IL2RG: variants seen among roughly 807,000 people sequenced by gnomAD.
IL2RG encodes the protein interleukin 2 receptor subunit gamma, also known as cytokine receptor common subunit gamma.
For synonymous variants in IL2RG, 111 were observed against 108.5 expected, an observed-to-expected ratio of 1.02 and a Z score of -0.15; for missense variants, 205 against 272.9, an observed-to-expected ratio of 0.75 and a Z score of 1.75.
chrX:71,110,043 G>T, intron 4 of IL2RG, 113 bp downstream of exon 4: 1 of 790,440 alleles, frequency 1.3e-6, no homozygotes, highest in Non-Finnish European at 1.9e-6. Context: ...GAGCAGAGAA[G>T]CTGGGAGGCA....
At position 71,110,921 on chromosome X, in the gene IL2RG, G is replaced by C; in HGVS notation, c.245C>G (p.Pro82Arg). 1 of 1,210,725 alleles carries C rather than the reference G, an allele frequency of 8.3e-7. No homozygotes were observed. The highest frequency in any genetic ancestry group is 1.1e-6 in the Non-Finnish European group (1 of 894,918). The stretch of plus-strand genomic sequence containing the variant: ...CCAATAATGCAGAGTGAGGTTGGTA[G>C]GCTGGGGCTCAGAGCTGCTGTTCCA... Reference protein sequence around the residue: ...CTWNSSSEPQPTNLTLHYWYK... With the variant: ...CTWNSSSEPQRTNLTLHYWYK... The change falls in exon 2 of 8, where the codon CCT (proline) becomes CGT (arginine). Residue 82 changes from proline (P) to arginine (R), a missense_variant. By Grantham distance (103) the Pro-to-Arg change is moderately radical (BLOSUM62 -2). Coordinates refer to ENST00000374202, the MANE Select transcript of IL2RG (RefSeq NM_000206.3).
chrX:71,110,207 G>C lies in IL2RG; in HGVS notation c.543C>G (p.His181Gln). The change falls in exon 4 of 8, where the codon CAC becomes CAG. Residue 181 changes from histidine (H) to glutamine (Q), a missense_variant. His to Gln is a conservative substitution (Grantham distance 24, BLOSUM62 0). Transcript: ENST00000374202. ...ELNWNNRFLNHCLEHLVQYRT... is the reference protein window; with the variant it reads ...ELNWNNRFLNQCLEHLVQYRT... ...GGTACTGCACCAAGTGCTCCAAACA[G>C]TGGTTCAAGAATCTGTTGTTCCAGT... 8.3e-7 allele frequency: 1 copy of C among 1,210,623 alleles called. No individual in the cohort carries two copies. Among genetic ancestry groups the C allele is most frequent in the Non-Finnish European group, 1.1e-6 (1 of 894,464 alleles).
In IL2RG at chrX:71,110,573, C is replaced by A; in HGVS notation, c.385G>T (p.Val129Phe). The change falls in exon 3 of 8, where the codon GTT becomes TTT. Residue 129 changes from valine (V) to phenylalanine (F), a missense_variant. Physicochemically the swap from Val to Phe is conservative, Grantham distance 50. Coordinates refer to ENST00000374202, the MANE Select transcript of IL2RG (RefSeq NM_000206.3). ...KKEIHLYQTFVVQLQDPREPR... is the reference protein window; with the variant it reads ...KKEIHLYQTFFVQLQDPREPR... Reference sequence around the variant, plus strand: ...TCCCGTGGGTCCTGGAGCTGAACAACAAATGTTTGGTAGAGGTGGATCTCC... The same window carrying A: ...TCCCGTGGGTCCTGGAGCTGAACAAAAAATGTTTGGTAGAGGTGGATCTCC... The A allele has an allele frequency of 8.3e-7, 1 of 1,211,305 alleles. No homozygotes were observed. Among genetic ancestry groups the A allele is most frequent in the Non-Finnish European group, 1.1e-6 (1 of 895,077 alleles).
rs752033043 is a variant in IL2RG at position 71,109,573 on chromosome X, T to G, written c.595-183A>C. On this transcript the variant is annotated intron_variant, in intron 4 of 7. Coordinates refer to ENST00000374202, the MANE Select transcript of IL2RG (RefSeq NM_000206.3). ...TCTAATGCCTCCCCTCTGGATCCCC[T>G]TAATGGCTTCCTTTTGTTTACTTGT... Among the ~76,000 whole-genome samples, 12 of 111,628 alleles carry G rather than the reference T, an allele frequency of 1.1e-4. No homozygotes were observed. In the South Asian group the frequency reaches 4.5e-3, roughly 42 times the overall value.
intron 4 of IL2RG, 71 bp downstream of exon 4, chrX:71,110,085 T>C: frequency 2.7e-6 from 3 of 1,117,375 alleles, no homozygotes; most frequent in Non-Finnish European, 3.7e-6. Context: ...GGTCCTTCTA[T>C]CTGTCTGGTT....
chrX:71,109,332 C>T lies in IL2RG; in HGVS notation c.653G>A (p.Arg218His), dbSNP rs763721645. Reference protein sequence around the residue: ...FSLPSVDGQKRYTFRVRSRFN... With the variant: ...FSLPSVDGQKHYTFRVRSRFN... Reference sequence around the variant, plus strand: ...GCGGCTCCGAACACGAAACGTGTAGCGTTTCTGCCCATCCACACTAGGCAA... The same window carrying T: ...GCGGCTCCGAACACGAAACGTGTAGTGTTTCTGCCCATCCACACTAGGCAA... Residue 218 changes from arginine to histidine, a missense_variant, in exon 5 of 8, where the codon CGC becomes CAC. By Grantham distance (29) the Arg-to-His change is conservative. Transcript: ENST00000374202. 1.3e-5 allele frequency: 16 copies of T among 1,208,505 alleles called. No homozygotes were observed. Among genetic ancestry groups the T allele is most frequent in the Admixed American group, 4.4e-5 (2 of 45,813 alleles).
At chrX:71,109,105 A>G in intron 5 of IL2RG, 123 bp downstream of exon 5, 2 of 675,954 alleles carry the variant, frequency 3.0e-6, no homozygotes, top group Non-Finnish European at 4.7e-6. Flanking sequence ...GGGGTTAGAC[A>G]GTGTGGAGAG....
At chrX:71,110,829 A>G in intron 2 of IL2RG, 68 bp downstream of exon 2, 1 of 1,154,630 alleles carries the variant, frequency 8.7e-7, no homozygotes, top group Non-Finnish European at 1.2e-6. Flanking sequence ...GAGACTTGCT[A>G]CCCTCTCTCT....
At chrX:71,111,204 C>G in intron 1 of IL2RG, 154 bp from the exon 2 acceptor site, 1 of 692,673 alleles carries the variant, frequency 1.4e-6, no homozygotes, top group Non-Finnish European at 2.2e-6. Flanking sequence ...CCAGCCTAGG[C>G]AACATAGTGA....
At chrX:71,109,514 A>G (rs2092258581) in intron 4 of IL2RG, 124 bp from the exon 5 acceptor site, 19 of 629,411 alleles carry the variant, frequency 3.0e-5, no homozygotes, top group African/African-American at 2.2e-5. Flanking sequence ...TCTCTTGACT[A>G]CTCAAGCCAC....
chrX:71,110,548 T>G lies in IL2RG; in HGVS notation c.410A>C (p.Glu137Ala). The G allele has an allele frequency of 8.3e-7, 1 of 1,211,791 alleles. No individual in the cohort carries two copies. Among genetic ancestry groups the G allele is most frequent in the South Asian group, 1.8e-5 (1 of 57,009 alleles). ...TFVVQLQDPR[E>A]PRRQATQMLK... ...CATCTGTGTGGCCTGTCTCCTGGGT[T>G]CCCGTGGGTCCTGGAGCTGAACAAC... The change falls in exon 3 of 8, where the codon GAA (glutamate) becomes GCA (alanine). Residue 137 changes from glutamate to alanine, a missense_variant. Glu to Ala is a moderately radical substitution (Grantham distance 107). Coordinates refer to ENST00000374202, the MANE Select transcript of IL2RG (RefSeq NM_000206.3).
chrX:71,110,546 G>A lies in IL2RG; in HGVS notation c.412C>T (p.Pro138Ser), dbSNP rs1266997803. The A allele has an allele frequency of 1.7e-6, 2 of 1,209,836 alleles. No individual in the cohort carries two copies. The highest frequency in any genetic ancestry group is 2.2e-6 in the Non-Finnish European group (2 of 895,013). Residue 138 changes from proline to serine, a missense_variant, in exon 3 of 8, where the codon CCC becomes TCC. Transcript: ENST00000374202. ...AGCATCTGTGTGGCCTGTCTCCTGG[G>A]TTCCCGTGGGTCCTGGAGCTGAACA... Reference protein sequence around the residue: ...FVVQLQDPREPRRQATQMLKL... With the variant: ...FVVQLQDPRESRRQATQMLKL...
intron 4 of IL2RG, among the ~76,000 whole-genome samples, chrX:71,109,942 AAAAG>A (rs1254130664): frequency 4.2e-4 from 43 of 102,892 alleles, no homozygotes; most frequent in Admixed American, 1.3e-3. Flanking sequence ...AAAAAAAAAA[AAAAG>A]AAAGAAAGAA....
chrX:71,110,440 C>T, intron 3 of IL2RG, 64 bp downstream of exon 3: 7 of 1,134,974 alleles, frequency 6.2e-6, no homozygotes, highest in Non-Finnish European at 8.5e-6. Context: ...TAAAAGAACA[C>T]TACTCTGTAG....
At position 71,108,491 on chromosome X, in the gene IL2RG, T is replaced by G. The variant is rs868491969; in HGVS notation, c.854+108A>C. 9 of 692,776 alleles carry G rather than the reference T, an allele frequency of 1.3e-5. No homozygotes were observed. In the Middle Eastern group the frequency reaches 2.3e-3, roughly 175 times the overall value. The allele number at this position is 692,776 out of a possible 1,213,427, so 57.1% of individuals were successfully genotyped here. ...CATCACCAAACCCTCTTGGGTAATC[T>G]CTCATTACTTACTGTCTCATCCTTT... On this transcript the variant is annotated intron_variant, in intron 6 of 7. Transcript: ENST00000374202.
At chrX:71,111,181 C>T in intron 1 of IL2RG, 131 bp from the exon 2 acceptor site, 1 of 771,683 alleles carries the variant, frequency 1.3e-6, no homozygotes, top group Non-Finnish European at 1.9e-6. Context: ...CACTAGAGGC[C>T]AGGAGTTTGA....
chrX:71,111,245 A>G (rs2092263205), intron 1 of IL2RG, 180 bp downstream of exon 1: 3 of 727,732 alleles, frequency 4.1e-6, no homozygotes, highest in Admixed American at 6.7e-5. Flanking sequence ...AAAGAAACAA[A>G]CAAACAAGAA....
At position 71,111,036 on chromosome X, in the gene IL2RG, T is replaced by C. The variant is rs7885041; in HGVS notation, c.130A>G (p.Thr44Ala). Residue 44 changes from threonine (T) to alanine (A), a missense_variant, in exon 2 of 8, where the codon ACT becomes GCT. Physicochemically the swap from Thr to Ala is moderately conservative, Grantham distance 58. Transcript: ENST00000374202. ...EDTTADFFLT[T>A]MPTDSLSVST... The stretch of plus-strand genomic sequence containing the variant: ...ACACTGAGGGAGTCAGTGGGCATAG[T>C]GGTCAGGAAGAAATCTAGATTGGGG... 2.9e-5 allele frequency: 35 copies of C among 1,196,821 alleles called. No individual in the cohort carries two copies. Among genetic ancestry groups the C allele is most frequent in the Admixed American group, 1.1e-4 (5 of 44,321 alleles).
Position 71,108,279 on chromosome X carries a change from A to G in IL2RG, c.922T>C (p.Ser308Pro). 8.3e-7 allele frequency: 1 copy of G among 1,197,844 alleles called. No individual in the cohort carries two copies. Among genetic ancestry groups the G allele is most frequent in the African/African-American group, 1.7e-5 (1 of 57,449 alleles). ...DLVTEYHGNF[S>P]AWSGVSKGLA... ...CATGCTTATGACAGCGTTCTCACCG[A>G]AAAGTTCCCGTGGTATTCAGTAACA... The change falls in exon 7 of 8, where the codon TCG becomes CCG. Residue 308 changes from serine to proline, a missense_variant and splice_region_variant. Ser to Pro is a moderately conservative substitution (Grantham distance 74). Transcript: ENST00000374202.
Sources: gnomAD v4.1 joint callset for allele counts (sites outside exome capture counted in the v4.1 genomes callset) on GRCh38, gnomAD v4.1.1 for gene constraint, MANE v1.5 for transcripts, NCBI Gene and HGNC (gene_info 2026-07-23, HGNC 2026-07-21) for gene names.